Variants in WWOX observed in about 807,000 individuals in gnomAD.
The protein encoded by WWOX is WW domain-containing oxidoreductase.
A neutral mutation model predicts 46.2 loss-of-function variants in WWOX; 69 were observed. The observed-to-expected ratio is 1.49, with a 90% CI of 1.23 to 1.82. WWOX has a LOEUF of 1.82. Among genes scored for constraint, WWOX ranks in the 40% most tolerant of loss-of-function variants. WWOX has a pLI of 0.00. For synonymous variants in WWOX, 359 were observed against 202.6 expected (o/e 1.77, Z -6.56); for missense variants, 919 against 542.6 (o/e 1.69, Z -6.89).
At chr16:78,800,037 G>C (rs1037118743) in intron 8 of WWOX, among the ~76,000 whole-genome samples, 1 of 152,048 alleles carries the variant, frequency 6.6e-6, no homozygotes, top group Non-Finnish European at 1.5e-5. Context: ...AGAAGGGAAG[G>C]AACACTTGGG....
intron 8 of WWOX, among the ~76,000 whole-genome samples, chr16:78,712,714 GT>G (rs1169275496): frequency 3.9e-5 from 6 of 152,084 alleles, no homozygotes; most frequent in African/African-American, 1.4e-4. Context: ...TTTTAATTGA[GT>G]TTATGTTAGA....
At chr16:78,626,260 A>C (rs1048384436) in intron 8 of WWOX, among the ~76,000 whole-genome samples, 1 of 152,066 alleles carries the variant, frequency 6.6e-6, no homozygotes, top group African/African-American at 2.4e-5. Context: ...CCTCCTGAGC[A>C]GGTGGGACCA....
intron 8 of WWOX, among the ~76,000 whole-genome samples, chr16:78,684,853 A>T (rs1567489297): frequency 6.6e-6 from 1 of 152,194 alleles, no homozygotes; most frequent in Non-Finnish European, 1.5e-5. Flanking sequence ...GCCAGGAAAT[A>T]CACTTGTAAT....
intron 8 of WWOX, among the ~76,000 whole-genome samples, chr16:78,444,857 A>G (rs956101435): frequency 1.3e-5 from 2 of 152,134 alleles, no homozygotes; most frequent in Non-Finnish European, 2.9e-5. Context: ...TCAATGGAAT[A>G]TATTTGACTT....
chr16:78,992,523 A>G (rs1026438346), intron 8 of WWOX, among the ~76,000 whole-genome samples: 1 of 152,168 alleles, frequency 6.6e-6, no homozygotes, highest in Admixed American at 6.5e-5. Context: ...TTTACGTTGT[A>G]TGTACCAGTA....
At chr16:78,416,951 C>T (rs1020041483) in intron 6 of WWOX, among the ~76,000 whole-genome samples, 4 of 151,874 alleles carry the variant, frequency 2.6e-5, no homozygotes, top group African/African-American at 9.7e-5. Context: ...GCTACAGTTT[C>T]TCTAAGAAGT....
intron 8 of WWOX, among the ~76,000 whole-genome samples, chr16:78,775,018 A>T (rs897451271): frequency 3.7e-4 from 57 of 152,156 alleles, no homozygotes; most frequent in African/African-American, 1.1e-3. Flanking sequence ...AGTTGGGCAG[A>T]TGGCGAGAGA....
At chr16:79,016,993 C>G (rs1006054970) in intron 8 of WWOX, 10 of 152,154 alleles carry the variant, frequency 6.6e-5, no homozygotes, top group African/African-American at 2.4e-4. Flanking sequence ...AGCCACTGCC[C>G]CTGCCCTAGA....
At chr16:78,950,533 TACACACACACACAC>T (rs141591649) in intron 8 of WWOX, among the ~76,000 whole-genome samples, 17 of 147,060 alleles carry the variant, frequency 1.2e-4, no homozygotes, top group African/African-American at 3.8e-4. Context: ...CACACACACA[TACACACACACACAC>T]ACACACACAC....
rs940915567 is a variant in WWOX, at chr16:78,958,282, A to C, written c.1057-253326A>C. Among the ~76,000 whole-genome samples the C allele has an allele frequency of 2.6e-5, 4 of 152,176 alleles. No individual in the cohort carries two copies. In the East Asian group the frequency reaches 7.7e-4, roughly 29 times the overall value. ...TTTTAATGTCATCTTTAATTTAATCAAATAGTGTCATCAAAATAACATTTA... is the reference window on the plus strand; with the variant it reads ...TTTTAATGTCATCTTTAATTTAATCCAATAGTGTCATCAAAATAACATTTA... On this transcript the variant is annotated intron_variant, in intron 8 of 8. Coordinates refer to ENST00000566780, the MANE Select transcript of WWOX (RefSeq NM_016373.4).
At chr16:78,702,769 T>G (rs1008908093) in intron 8 of WWOX, among the ~76,000 whole-genome samples, 1 of 152,182 alleles carries the variant, frequency 6.6e-6, no homozygotes, top group Non-Finnish European at 1.5e-5. Flanking sequence ...CAGATTTGTC[T>G]GCACACCTCT....
chr16:78,160,176 AT>A (rs141722013), intron 4 of WWOX, among the ~76,000 whole-genome samples: 2,581 of 150,380 alleles, frequency 0.017, 80 homozygotes, highest in African/African-American at 0.06. Flanking sequence ...TTAGATCATC[AT>A]TTTTTCTTTC....
chr16:78,740,388 G>A (rs1384602569), intron 8 of WWOX, among the ~76,000 whole-genome samples: 1 of 152,156 alleles, frequency 6.6e-6, no homozygotes, highest in Non-Finnish European at 1.5e-5. Flanking sequence ...TTGTGAAGAT[G>A]GCTCTGCTAA....
chr16:78,223,595 A>G (rs1428560259), intron 5 of WWOX, among the ~76,000 whole-genome samples: 1 of 152,120 alleles, frequency 6.6e-6, no homozygotes, highest in East Asian at 1.9e-4. Flanking sequence ...GAAACATGCA[A>G]AGTGCTCAGC....
At chr16:78,844,560 A>G (rs1048993098) in intron 8 of WWOX, among the ~76,000 whole-genome samples, 1 of 152,184 alleles carries the variant, frequency 6.6e-6, no homozygotes, top group Non-Finnish European at 1.5e-5. Flanking sequence ...ATAGGTGTAC[A>G]AAAGGGAAAA....
chr16:78,243,322 T>C (rs1032984129), intron 5 of WWOX, among the ~76,000 whole-genome samples: 2 of 152,230 alleles, frequency 1.3e-5, no homozygotes, highest in African/African-American at 2.4e-5. Flanking sequence ...TGATGTGATA[T>C]GCAAACATCT....
rs946308319 is a variant in WWOX at position 78,573,561 on chromosome 16, C to G, written c.1056+140809C>G. 2.0e-5 allele frequency among the ~76,000 whole-genome samples: 3 copies of G among 152,200 alleles called. No individual in the cohort carries two copies. In the South Asian group the frequency reaches 6.2e-4, roughly 31 times the overall value. On this transcript the variant is annotated intron_variant, in intron 8 of 8. Coordinates refer to ENST00000566780, the MANE Select transcript of WWOX (RefSeq NM_016373.4). The stretch of plus-strand genomic sequence containing the variant: ...AAAACATTCAGTGGCTCCCTGGGCC[C>G]TCTGGGACTAAGTTTATAATGCTCA...
chr16:78,944,972 A>T (rs1447807445), intron 8 of WWOX, among the ~76,000 whole-genome samples: 1 of 152,204 alleles, frequency 6.6e-6, no homozygotes, highest in African/African-American at 2.4e-5. Context: ...TGAGATCAGG[A>T]GTTCAAGACC....
chr16:78,383,354 A>T (rs1314992552), intron 5 of WWOX, among the ~76,000 whole-genome samples: 1 of 152,142 alleles, frequency 6.6e-6, no homozygotes. Context: ...TCTCTGTACC[A>T]GTTTGGCCAT....
Sources: gnomAD v4.1 joint callset for allele counts (sites outside exome capture counted in the v4.1 genomes callset) on GRCh38, gnomAD v4.1.1 for gene constraint, MANE v1.5 for transcripts, NCBI Gene and HGNC (gene_info 2026-07-23, HGNC 2026-07-21) for gene names.